LRRK2: variants seen among roughly 807,000 people sequenced by gnomAD.
The protein encoded by LRRK2 is leucine-rich repeat serine/threonine-protein kinase 2.
In LRRK2, 203 loss-of-function variants were observed where a neutral mutation model predicts 302.6. The observed-to-expected ratio is 0.67, with a 90% CI of 0.60 to 0.75. LRRK2 has a LOEUF of 0.75. Ranked by LOEUF, LRRK2 falls within the 30% of genes least tolerant of loss-of-function variation. The pLI is 0.00. For synonymous variants in LRRK2, 1,066 were observed against 1,031.9 expected, an observed-to-expected ratio of 1.03 and a Z score of -0.63; for missense variants, 2,830 against 2,951.0, an observed-to-expected ratio of 0.96 and a Z score of 0.95.
In LRRK2 at chr12:40,328,414, C is replaced by T; in HGVS notation, c.5711C>T (p.Ala1904Val). ...YRAAYEGEEV[A>V]VKIFNKHTSL... ...GCAGCCTATGAAGGAGAAGAAGTGG[C>T]TGTGAAGATTTTTAATAAACATACA... The change falls in exon 39 of 51, where the codon GCT (alanine) becomes GTT (valine). Residue 1904 changes from alanine (A) to valine (V), a missense_variant. Physicochemically the swap from Ala to Val is moderately conservative, Grantham distance 64. Coordinates refer to ENST00000298910, the MANE Select transcript of LRRK2 (RefSeq NM_198578.4). The T allele has an allele frequency of 2.5e-6, 4 of 1,613,536 alleles. No homozygotes were observed. Among genetic ancestry groups the T allele is most frequent in the Non-Finnish European group, 3.4e-6 (4 of 1,179,726 alleles).
intron 31 of LRRK2, among the ~76,000 whole-genome samples, chr12:40,313,151 A>G (rs1413396933): frequency 6.6e-6 from 1 of 152,066 alleles, no homozygotes; most frequent in Non-Finnish European, 1.5e-5. Context: ...TGTAATTTCC[A>G]TAGGTCCAGA....
At chr12:40,311,125 A>G (rs1269404180) in intron 31 of LRRK2, among the ~76,000 whole-genome samples, 2 of 151,952 alleles carry the variant, frequency 1.3e-5, no homozygotes, top group African/African-American at 2.4e-5. Context: ...GAATTTTGTC[A>G]CTGTGATTCC....
At chr12:40,330,603 T>A (rs1945684987) in intron 39 of LRRK2, among the ~76,000 whole-genome samples, 1 of 152,178 alleles carries the variant, frequency 6.6e-6, no homozygotes, top group African/African-American at 2.4e-5. Flanking sequence ...CTCCCTAACA[T>A]TTATTAATCA....
chr12:40,306,056 T>C (rs1592262479), intron 28 of LRRK2, 90 bp downstream of exon 28: 1 of 982,910 alleles, frequency 1.0e-6, no homozygotes, highest in Admixed American at 2.6e-5. Context: ...TGTTACTATT[T>C]AGGGAAAAAT....
At position 40,305,447 on chromosome 12, in the gene LRRK2, A is replaced by G. The variant is rs544612438; in HGVS notation, c.3778-338A>G. ...TTTACTGAAGGAGCAGAATGAAGTCACAGATAATGGATAACCAAATCCATT... is the reference window on the plus strand; with the variant it reads ...TTTACTGAAGGAGCAGAATGAAGTCGCAGATAATGGATAACCAAATCCATT... On this transcript the variant is annotated intron_variant, in intron 27 of 50. Transcript: ENST00000298910. Among the ~76,000 whole-genome samples the G allele has an allele frequency of 3.9e-5, 6 of 152,286 alleles. 1 individual carries two copies. In the South Asian group the frequency reaches 8.3e-4, roughly 21 times the overall value.
chr12:40,320,398 G>C (rs1945365612), intron 34 of LRRK2, among the ~76,000 whole-genome samples: 1 of 151,938 alleles, frequency 6.6e-6, no homozygotes, highest in South Asian at 2.1e-4. Context: ...ATAGTTACTA[G>C]TTGGCTTATC....
chr12:40,335,015 C>T lies in LRRK2; in HGVS notation c.5806C>T (p.Leu1936=), dbSNP rs757548114. Reference sequence around the variant, plus strand: ...CCACCACCCCAGTTTGATATCTTTGCTGGCAGCTGGGATTCGTCCCCGGAT... The same window carrying T: ...CCACCACCCCAGTTTGATATCTTTGTTGGCAGCTGGGATTCGTCCCCGGAT... ...HLHHPSLISL[L]AAGIRPRMLV... is the part of the protein sequence containing the mutation. The change falls in exon 40 of 51, where the codon CTG becomes TTG. Residue 1936 remains leucine, a synonymous_variant. Coordinates refer to ENST00000298910, the MANE Select transcript of LRRK2 (RefSeq NM_198578.4). The T allele has an allele frequency of 1.2e-6, 2 of 1,614,090 alleles. No individual in the cohort carries two copies. The highest frequency in any genetic ancestry group is 2.2e-5 in the South Asian group (2 of 91,082).
intron 41 of LRRK2, among the ~76,000 whole-genome samples, chr12:40,342,730 A>G (rs1011630313): frequency 6.6e-6 from 1 of 152,166 alleles, no homozygotes; most frequent in Non-Finnish European, 1.5e-5. Context: ...TTTCCGTTTA[A>G]TGAATCTTCC....
chr12:40,235,739 G>A (rs200022179), intron 4 of LRRK2, 25 bp downstream of exon 4: 6 of 1,322,148 alleles, frequency 4.5e-6, no homozygotes, highest in Non-Finnish European at 5.4e-6. Flanking sequence ...TGTTTTTTGT[G>A]TTGATTCAAA....
At chr12:40,245,365 G>C (rs1377055066) in intron 7 of LRRK2, among the ~76,000 whole-genome samples, 1 of 151,950 alleles carries the variant, frequency 6.6e-6, no homozygotes, top group Non-Finnish European at 1.5e-5. Context: ...TTATGTTTCT[G>C]TCCTTGGCGT....
At chr12:40,269,019 T>C (rs1190721686) in intron 14 of LRRK2, among the ~76,000 whole-genome samples, 1 of 152,180 alleles carries the variant, frequency 6.6e-6, no homozygotes, top group Non-Finnish European at 1.5e-5. Context: ...ATAATGAAAT[T>C]GGTATATGTA....
chr12:40,298,537 CTGA>C, intron 24 of LRRK2, 44 bp downstream of exon 24: 1 of 1,606,114 alleles, frequency 6.2e-7, no homozygotes, highest in South Asian at 1.1e-5. Flanking sequence ...CCTAAATATG[CTGA>C]TGTTAACAAA....
At chr12:40,342,644 C>T (rs1354440200) in intron 41 of LRRK2, among the ~76,000 whole-genome samples, 1 of 152,182 alleles carries the variant, frequency 6.6e-6, no homozygotes, top group Non-Finnish European at 1.5e-5. Flanking sequence ...CATCACCAAA[C>T]TTTTTCTTCC....
intron 2 of LRRK2, among the ~76,000 whole-genome samples, chr12:40,230,444 C>G (rs754093589): frequency 6.6e-6 from 1 of 152,146 alleles, no homozygotes; most frequent in Admixed American, 6.5e-5. Flanking sequence ...ATAGCCTCTT[C>G]CCTGTAGCAG....
intron 25 of LRRK2, among the ~76,000 whole-genome samples, chr12:40,302,327 A>T (rs1174749192): frequency 6.6e-6 from 1 of 152,112 alleles, no homozygotes; most frequent in African/African-American, 2.4e-5. Context: ...ATTAAATAAC[A>T]CCCATTATTA....
At chr12:40,261,187 T>C (rs1942758105) in intron 13 of LRRK2, among the ~76,000 whole-genome samples, 1 of 152,178 alleles carries the variant, frequency 6.6e-6, no homozygotes, top group Admixed American at 6.6e-5. Flanking sequence ...TTATTGAATT[T>C]TATTTTTAGA....
At chr12:40,344,427 G>T (rs1565767346) in intron 41 of LRRK2, among the ~76,000 whole-genome samples, 1 of 152,172 alleles carries the variant, frequency 6.6e-6, no homozygotes, top group Non-Finnish European at 1.5e-5. Context: ...GAAGCATAAA[G>T]GTTGTTAATG....
chr12:40,318,686 T>C (rs563620853), intron 33 of LRRK2, among the ~76,000 whole-genome samples: 2 of 152,162 alleles, frequency 1.3e-5, no homozygotes, highest in East Asian at 3.9e-4. Context: ...AAACATATAA[T>C]ATGTTGAGTG....
Position 40,295,607 on chromosome 12 carries a change from AG to A in LRRK2, c.3060del (p.Asn1021MetfsTer14), listed in dbSNP as rs774533620. The A allele has an allele frequency of 1.2e-6, 2 of 1,613,950 alleles. No homozygotes were observed. Among genetic ancestry groups the A allele is most frequent in the Non-Finnish European group, 8.5e-7 (1 of 1,179,968 alleles). On this transcript the variant is annotated frameshift_variant, in exon 23 of 51. Coordinates refer to ENST00000298910, the MANE Select transcript of LRRK2 (RefSeq NM_198578.4). LOFTEE classifies it high-confidence loss of function. ...LEHLEKLELH[Q>X]NALTSFPQQL... ...CATCTTGAAAAGCTGGAGCTTCACC[AG>A]AATGCACTCACGAGCTTTCCACAAC...
Sources: allele counts gnomAD v4.1 joint callset (sites outside exome capture counted in the v4.1 genomes callset), GRCh38; gene constraint gnomAD v4.1.1; transcripts MANE v1.5; gene names NCBI Gene and HGNC (gene_info 2026-07-23, HGNC 2026-07-21).